The following RAPGEF2 variants were observed in gnomAD, a reference collection of about 807,000 sequenced individuals.
RAPGEF2 encodes PDZ domain containing guanine nucleotide exchange factor (GEF) 1.
RAPGEF2 carries 54 observed loss-of-function variants against 186.7 expected under a neutral mutation model. The ratio of observed to expected loss-of-function variants is 0.29; its 90% confidence interval spans 0.23 to 0.36. RAPGEF2 has a LOEUF of 0.36. Among genes scored for constraint, RAPGEF2 ranks in the 10% least tolerant of loss-of-function variants. RAPGEF2 has a pLI of 1.00. For synonymous variants in RAPGEF2, 712 were observed against 705.9 expected (o/e 1.01, Z -0.14); for missense variants, 1,532 against 2,045.0 (o/e 0.75, Z 4.84).
chr4:159,276,646 C>T (rs1478181983), intron 7 of RAPGEF2, among the ~76,000 whole-genome samples: 1 of 152,080 alleles, frequency 6.6e-6, no homozygotes, highest in Non-Finnish European at 1.5e-5. Flanking sequence ...TCTCCCTTTG[C>T]ACTGTATATA....
chr4:159,230,432 TA>T (rs1456634400), intron 4 of RAPGEF2, among the ~76,000 whole-genome samples: 2 of 152,200 alleles, frequency 1.3e-5, no homozygotes, highest in African/African-American at 4.8e-5. Flanking sequence ...AGACCAGAAG[TA>T]ACTTTTGAAA....
At chr4:159,348,282 G>GGATGGATGGATGGATGGATA (rs1399107194) in intron 25 of RAPGEF2, among the ~76,000 whole-genome samples, 4 of 120,414 alleles carry the variant, frequency 3.3e-5, no homozygotes, top group African/African-American at 1.1e-4. Context: ...ATGGATGGAT[G>GGATGGATGGATGGATGGATA]GATAGATAGA....
At chr4:159,206,215 C>G (rs1749976003) in intron 3 of RAPGEF2, among the ~76,000 whole-genome samples, 1 of 152,246 alleles carries the variant, frequency 6.6e-6, no homozygotes. Context: ...CAGGCATGAG[C>G]CACCGCGCCC....
chr4:159,217,145 T>A (rs1561097245), intron 4 of RAPGEF2, among the ~76,000 whole-genome samples: 1 of 152,166 alleles, frequency 6.6e-6, no homozygotes, highest in Non-Finnish European at 1.5e-5. Context: ...TTTACTTGTT[T>A]GTTTTCAAGT....
intron 19 of RAPGEF2, 143 bp downstream of exon 19, chr4:159,339,497 C>CT (rs1767926663): frequency 5.3e-6 from 6 of 1,131,634 alleles, no homozygotes; most frequent in Non-Finnish European, 7.4e-6. Flanking sequence ...TTTTTTTTTC[C>CT]TTTCACCAAG....
chr4:159,346,262 T>A (rs1472097853), intron 24 of RAPGEF2, among the ~76,000 whole-genome samples: 1 of 152,242 alleles, frequency 6.6e-6, no homozygotes, highest in East Asian at 1.9e-4. Flanking sequence ...CCACAAAATA[T>A]ATACTCAGTA....
chr4:159,313,760 T>C (rs1292894230), intron 8 of RAPGEF2, among the ~76,000 whole-genome samples: 1 of 152,208 alleles, frequency 6.6e-6, no homozygotes, highest in Admixed American at 6.5e-5. Context: ...TTTACTATGC[T>C]TAAGTGATAA....
chr4:159,162,410 A>G (rs1303426941), intron 1 of RAPGEF2, among the ~76,000 whole-genome samples: 7 of 151,080 alleles, frequency 4.6e-5, no homozygotes, highest in Non-Finnish European at 8.9e-5. Context: ...AAAAAAAAAA[A>G]GGTCTGGGAA....
chr4:159,136,324 G>T (rs547384927), intron 1 of RAPGEF2, among the ~76,000 whole-genome samples: 5 of 152,184 alleles, frequency 3.3e-5, no homozygotes, highest in Non-Finnish European at 7.3e-5. Flanking sequence ...AGGACTTAAG[G>T]ATGACTTGAA....
At chr4:159,211,971 C>T (rs1750577192) in intron 4 of RAPGEF2, among the ~76,000 whole-genome samples, 1 of 152,114 alleles carries the variant, frequency 6.6e-6, no homozygotes. Context: ...AGAATGACGA[C>T]AAAATAGCTA....
At chr4:159,277,434 T>C (rs1376395948) in intron 7 of RAPGEF2, among the ~76,000 whole-genome samples, 1 of 152,254 alleles carries the variant, frequency 6.6e-6, no homozygotes, top group African/African-American at 2.4e-5. Flanking sequence ...CCTTTGGGTA[T>C]ATACCCAGTA....
Position 159,210,533 on chromosome 4 carries a change from T to A in RAPGEF2, c.231T>A (p.Leu77=). Residue 77 remains leucine (L), a synonymous_variant, in exon 4 of 30, where the codon CTT becomes CTA. Coordinates refer to ENST00000691494, the MANE Select transcript of RAPGEF2 (RefSeq NM_001394067.2). ...ATATTGGGACCTGCTGGTATATCCT[T>A]CTTTCTGGTTCCGTGTTCATCAAGG... ...PDDIGTCWYI[L]LSGSVFIKES... 6.5e-7 allele frequency: 1 copy of A among 1,535,006 alleles called. No individual in the cohort carries two copies. Among genetic ancestry groups the A allele is most frequent in the Non-Finnish European group, 8.7e-7 (1 of 1,145,984 alleles).
intron 12 of RAPGEF2, 70 bp downstream of exon 12, chr4:159,330,080 G>A: frequency 6.6e-7 from 1 of 1,512,894 alleles, no homozygotes; most frequent in Non-Finnish European, 8.9e-7. Flanking sequence ...GGCAGTTTAG[G>A]ATTTTTTTTC....
intron 7 of RAPGEF2, among the ~76,000 whole-genome samples, chr4:159,277,216 T>G (rs957054845): frequency 1.3e-5 from 2 of 152,128 alleles, no homozygotes; most frequent in African/African-American, 4.8e-5. Flanking sequence ...GAATGATGGT[T>G]TCCAGCTTCA....
intron 8 of RAPGEF2, among the ~76,000 whole-genome samples, chr4:159,305,885 A>G (rs1486699527): frequency 6.6e-6 from 1 of 151,960 alleles, no homozygotes; most frequent in African/African-American, 2.4e-5. Context: ...TGGTAATCCA[A>G]TTTTCCCAGC....
chr4:159,113,453 C>T (rs529421927), intron 1 of RAPGEF2, among the ~76,000 whole-genome samples: 2 of 152,050 alleles, frequency 1.3e-5, no homozygotes, highest in South Asian at 4.2e-4. Context: ...TTTAAGACAT[C>T]TTTTAGGCTG....
chr4:159,106,779 T>G (rs1737937017), intron 1 of RAPGEF2, among the ~76,000 whole-genome samples: 2 of 152,192 alleles, frequency 1.3e-5, no homozygotes, highest in Non-Finnish European at 2.9e-5. Context: ...CGTGAAAACA[T>G]AGTTTTGTAT....
chr4:159,257,460 A>T (rs1579640274), intron 7 of RAPGEF2, among the ~76,000 whole-genome samples: 1 of 151,942 alleles, frequency 6.6e-6, no homozygotes, highest in Non-Finnish European at 1.5e-5. Context: ...CACAGGAAAG[A>T]CCCGCCCCAT....
Position 159,355,878 on chromosome 4 carries a change from G to GCCGCCCC in RAPGEF2, c.4679_4680insGCCCCCC (p.Thr1563ProfsTer14). 3.7e-4 allele frequency: 563 copies of GCCGCCCC among 1,515,198 alleles called. No homozygotes were observed. The highest frequency in any genetic ancestry group is 5.4e-4 in the Middle Eastern group (3 of 5,564). The allele number at this position is 1,515,198 out of a possible 1,614,324, so 93.9% of individuals were successfully genotyped here. A position where few individuals can be genotyped will look rare whatever the true frequency, so the allele number is the denominator to read the frequency against. On this transcript the variant is annotated frameshift_variant, in exon 29 of 30. Coordinates refer to ENST00000691494, the MANE Select transcript of RAPGEF2 (RefSeq NM_001394067.2). LOFTEE classifies it high-confidence loss of function. ...CACGAAAGGAGGGCAGGTATCGAGA[G>GCCGCCCC]CCCCCGCCCACCCCTCCCGGCTACA...
Sources: gnomAD v4.1 joint callset for allele counts (sites outside exome capture counted in the v4.1 genomes callset) on GRCh38, gnomAD v4.1.1 for gene constraint, MANE v1.5 for transcripts, NCBI Gene and HGNC (gene_info 2026-07-23, HGNC 2026-07-21) for gene names.